Variants in DGKI observed in about 807,000 individuals in gnomAD.
The protein encoded by DGKI is diacylglycerol kinase iota, also known as DAG kinase iota.
A neutral mutation model predicts 147.5 loss-of-function variants in DGKI; 55 were observed. That is an observed-to-expected ratio of 0.37 (90% CI 0.30 to 0.47). The LOEUF is 0.47. Ranked by LOEUF, DGKI falls within the 20% of genes least tolerant of loss-of-function variation. DGKI has a pLI of 1.00. For synonymous variants in DGKI, 469 were observed against 477.1 expected (o/e 0.98, Z 0.22); for missense variants, 1,007 against 1,323.8 (o/e 0.76, Z 3.71).
At chr7:137,719,796 G>A (rs1003997764) in intron 1 of DGKI, among the ~76,000 whole-genome samples, 5 of 151,690 alleles carry the variant, frequency 3.3e-5, no homozygotes, top group African/African-American at 1.2e-4. Context: ...TGCCATCCAC[G>A]TAATGCCAAT....
At chr7:137,546,858 G>A (rs979334438) in intron 20 of DGKI, among the ~76,000 whole-genome samples, 43 of 152,192 alleles carry the variant, frequency 2.8e-4, no homozygotes, top group Admixed American at 1.7e-3. Flanking sequence ...GACTCTCTCT[G>A]TCTGTGTTAT....
chr7:137,437,320 A>T (rs370867683), intron 28 of DGKI, among the ~76,000 whole-genome samples: 3 of 152,342 alleles, frequency 2.0e-5, no homozygotes, highest in East Asian at 3.9e-4. Context: ...TAAAGAAACA[A>T]GATTTTAAAA....
At chr7:137,504,092 G>A (rs1816282522) in intron 21 of DGKI, among the ~76,000 whole-genome samples, 1 of 152,140 alleles carries the variant, frequency 6.6e-6, no homozygotes, top group Non-Finnish European at 1.5e-5. Flanking sequence ...AGCCAAAGCA[G>A]AAAGAGCCAC....
At chr7:137,675,305 A>T (rs1178490170) in intron 3 of DGKI, among the ~76,000 whole-genome samples, 1 of 152,176 alleles carries the variant, frequency 6.6e-6, no homozygotes, top group Non-Finnish European at 1.5e-5. Context: ...GCTCAGGCTG[A>T]CAAAGTTCTT....
chr7:137,620,839 A>T (rs1820722915), intron 7 of DGKI, among the ~76,000 whole-genome samples: 1 of 152,238 alleles, frequency 6.6e-6, no homozygotes, highest in Non-Finnish European at 1.5e-5. Context: ...TAAAATCAAC[A>T]TTATGCAATA....
chr7:137,656,490 G>A lies in DGKI; in HGVS notation c.657C>T (p.Thr219=), dbSNP rs747547922. ...CCTTTTCTAGCTGCTCAATGCAGGC[G>A]GTGTGGACGACGATTTTACAGACTG... The part of the protein sequence containing the change: ...KCAVCKIVVH[T]ACIEQLEKIN... Residue 219 remains threonine (T), a synonymous_variant, in exon 4 of 33, where the codon ACC becomes ACT. Transcript: ENST00000614521. 18 of 1,613,966 alleles carry A rather than the reference G, an allele frequency of 1.1e-5. No homozygotes were observed. Among genetic ancestry groups the A allele is most frequent in the African/African-American group, 4.0e-5 (3 of 74,904 alleles).
intron 1 of DGKI, among the ~76,000 whole-genome samples, chr7:137,717,634 A>G (rs1193470051): frequency 6.6e-6 from 1 of 152,110 alleles, no homozygotes; most frequent in East Asian, 1.9e-4. Flanking sequence ...GTTGATTTTT[A>G]TTTCTAATAT....
intron 12 of DGKI, among the ~76,000 whole-genome samples, chr7:137,592,314 A>C (rs1381222433): frequency 6.6e-6 from 1 of 152,206 alleles, no homozygotes; most frequent in Non-Finnish European, 1.5e-5. Context: ...AACTGAAGAA[A>C]GTTATCCTGA....
chr7:137,803,278 G>C (rs540509351), intron 1 of DGKI, among the ~76,000 whole-genome samples: 12 of 152,264 alleles, frequency 7.9e-5, no homozygotes, highest in South Asian at 6.2e-4. Flanking sequence ...TTGAAAAAGG[G>C]GGCTGTGATC....
At chr7:137,844,264 A>T (rs972136318) in intron 1 of DGKI, among the ~76,000 whole-genome samples, 2 of 152,210 alleles carry the variant, frequency 1.3e-5, no homozygotes, top group African/African-American at 4.8e-5. Context: ...CCAGGCACAA[A>T]CATGCTCCAG....
chr7:137,623,721 C>T (rs1227816110), intron 6 of DGKI, among the ~76,000 whole-genome samples, 167 bp from the exon 7 acceptor site: 1 of 152,166 alleles, frequency 6.6e-6, no homozygotes, highest in Admixed American at 6.5e-5. Context: ...ACACTCTCCA[C>T]TTTCTGCCTG....
chr7:137,391,364 A>AAAAG, intron 32 of DGKI, 28 bp from the exon 33 acceptor site: 1 of 1,438,684 alleles, frequency 7.0e-7, no homozygotes, highest in Non-Finnish European at 9.4e-7. Flanking sequence ...GAAAAAAAAA[A>AAAAG]AGAGAGAGAG....
At chr7:137,430,050 C>G (rs1812997084) in intron 28 of DGKI, among the ~76,000 whole-genome samples, 2 of 116,144 alleles carry the variant, frequency 1.7e-5, no homozygotes, top group African/African-American at 6.4e-5. Context: ...CATCCCATTA[C>G]TGGGTATATA....
chr7:137,560,818 A>G (rs1818394910), intron 19 of DGKI, among the ~76,000 whole-genome samples: 1 of 152,222 alleles, frequency 6.6e-6, no homozygotes, highest in South Asian at 2.1e-4. Flanking sequence ...TAATTCTTCC[A>G]TAGAATCTCC....
chr7:137,821,037 G>A (rs1372117334), intron 1 of DGKI, among the ~76,000 whole-genome samples: 1 of 152,138 alleles, frequency 6.6e-6, no homozygotes, highest in Non-Finnish European at 1.5e-5. Flanking sequence ...TCTCCCCAGT[G>A]ACAGTCCCTC....
chr7:137,645,924 T>G (rs546763559), intron 5 of DGKI, among the ~76,000 whole-genome samples: 2 of 152,332 alleles, frequency 1.3e-5, no homozygotes, highest in East Asian at 3.9e-4. Context: ...TTCATATCTG[T>G]AGATTCCACT....
chr7:137,521,446 C>G (rs549790706), intron 21 of DGKI, among the ~76,000 whole-genome samples: 1 of 152,020 alleles, frequency 6.6e-6, no homozygotes, highest in African/African-American at 2.4e-5. Flanking sequence ...TCTAGAAGTG[C>G]TGAATGTGCC....
At position 137,703,146 on chromosome 7, in the gene DGKI, T is replaced by C. The variant is rs143435763; in HGVS notation, c.402-13144A>G. On this transcript the variant is annotated intron_variant, in intron 1 of 32. Coordinates refer to ENST00000614521, the MANE Select transcript of DGKI (RefSeq NM_001321708.2). ...TTTAACAGGAAGCATGACTGGAAGG[T>C]CTCCGGAAACTTACGATCACGGCGG... Among the ~76,000 whole-genome samples the C allele has an allele frequency of 2.6e-5, 4 of 152,192 alleles. No homozygotes were observed. In the East Asian group the frequency reaches 7.7e-4, roughly 29 times the overall value.
At position 137,428,877 on chromosome 7, in the gene DGKI, A is replaced by G. The variant is rs911944402; in HGVS notation, c.2761+15200T>C. Among the ~76,000 whole-genome samples the G allele has an allele frequency of 3.9e-5, 6 of 152,306 alleles. No individual in the cohort carries two copies. In the East Asian group the frequency reaches 5.8e-4, roughly 15 times the overall value. ...GAAGGACCTCTTCAAGGAGAACTAC[A>G]AACAACTGCTCAATGAAATAAAAGA... On this transcript the variant is annotated intron_variant, in intron 28 of 32. Transcript: ENST00000614521.
Sources: allele counts gnomAD v4.1 joint callset (sites outside exome capture counted in the v4.1 genomes callset), GRCh38; gene constraint gnomAD v4.1.1; transcripts MANE v1.5; gene names NCBI Gene and HGNC (gene_info 2026-07-23, HGNC 2026-07-21).